ATAD2B: variants seen among roughly 807,000 people sequenced by gnomAD.
ATAD2B encodes ATPase family AAA domain containing 2B.
A neutral mutation model predicts 167.6 loss-of-function variants in ATAD2B; 40 were observed. That is an observed-to-expected ratio of 0.24 (90% CI 0.19 to 0.31). ATAD2B has a LOEUF of 0.31. Ranked by LOEUF, ATAD2B falls within the 10% of genes least tolerant of loss-of-function variation. The probability of loss-of-function intolerance (pLI) is 1.00; values close to 1 mark genes in which losing one functional copy is unlikely to be tolerated. For synonymous variants in ATAD2B, 579 were observed against 596.5 expected (o/e 0.97, Z 0.43); for missense variants, 1,242 against 1,757.2 (o/e 0.71, Z 5.24).
chr2:23,680,039 C>T, the ATAD2B span, among the ~76,000 whole-genome samples: 1 of 152,090 alleles, frequency 6.6e-6, no homozygotes. This position sits in a 1 kb window ranked among gnomAD's most constrained non-coding sequence, Gnocchi z 4.1. Context: ...CCCCTTCAGC[C>T]CCGAAGGATT....
At chr2:23,865,688 A>G (rs1247711665) in intron 10 of ATAD2B, among the ~76,000 whole-genome samples, 1 of 152,206 alleles carries the variant, frequency 6.6e-6, no homozygotes, top group Non-Finnish European at 1.5e-5. Flanking sequence ...TAGACCTCCC[A>G]AGGTCAATGT....
intron 12 of ATAD2B, among the ~76,000 whole-genome samples, chr2:23,858,489 C>CTTTTTTTTTTTTTTTTT (rs34177847): frequency 1.5e-5 from 2 of 134,412 alleles, no homozygotes; most frequent in Non-Finnish European, 1.6e-5. Context: ...CTGTCTCATT[C>CTTTTTTTTTTTTTTTTT]TTTTTTTTTT....
chr2:23,889,685 C>T (rs1322871242), intron 2 of ATAD2B, among the ~76,000 whole-genome samples: 6 of 151,692 alleles, frequency 4.0e-5, no homozygotes, highest in African/African-American at 1.5e-4. Flanking sequence ...TTTGAGAGGC[C>T]GAGGCAGGTG....
At chr2:23,904,723 A>G (rs921714036) in intron 1 of ATAD2B, among the ~76,000 whole-genome samples, 23 of 152,178 alleles carry the variant, frequency 1.5e-4, no homozygotes, top group African/African-American at 5.1e-4. Flanking sequence ...ATGTATGGGT[A>G]CAAATCAATC....
the ATAD2B span, among the ~76,000 whole-genome samples, chr2:23,687,702 G>A: frequency 2.0e-5 from 3 of 152,198 alleles, no homozygotes; most frequent in African/African-American, 7.2e-5. Context: ...TGTGGGTTAT[G>A]AAGAATGGGC....
intron 22 of ATAD2B, among the ~76,000 whole-genome samples, chr2:23,781,785 T>C (rs1680103758): frequency 1.3e-5 from 2 of 152,058 alleles, no homozygotes; most frequent in Non-Finnish European, 1.5e-5. Context: ...AGGCTGCTGT[T>C]TCTTTTTTTT....
chr2:23,691,313 C>T, the ATAD2B span: 5 of 290,814 alleles, frequency 1.7e-5, no homozygotes, highest in East Asian at 1.9e-4. Context: ...GGCTGGGATG[C>T]GTCGGCCTGC....
the ATAD2B span, among the ~76,000 whole-genome samples, chr2:23,714,409 T>TTTG: frequency 6.7e-6 from 1 of 148,890 alleles, no homozygotes; most frequent in Admixed American, 6.7e-5. Context: ...CCGGCAAATT[T>TTTG]TTTTTTTTTT....
the ATAD2B span, chr2:23,706,949 G>GT: frequency 1.4e-4 from 41 of 298,920 alleles, no homozygotes; most frequent in Non-Finnish European, 2.2e-4. Context: ...AGAGTTTCAC[G>GT]TATTTTTCAA....
intron 13 of ATAD2B, among the ~76,000 whole-genome samples, chr2:23,842,326 C>T (rs1691047891): frequency 6.6e-6 from 1 of 152,044 alleles, no homozygotes; most frequent in African/African-American, 2.4e-5. Flanking sequence ...TACTGGATAA[C>T]CAAGAGGTCT....
chr2:23,862,227 CA>C (rs1694487381), intron 12 of ATAD2B, among the ~76,000 whole-genome samples: 1 of 151,828 alleles, frequency 6.6e-6, no homozygotes, highest in Admixed American at 6.6e-5. Flanking sequence ...AGTACTTTAC[CA>C]ATTACAAAGG....
chr2:23,798,130 G>C lies in ATAD2B; in HGVS notation c.2640+8C>G, dbSNP rs954493555. 2 of 1,504,358 alleles carry C rather than the reference G, an allele frequency of 1.3e-6. No homozygotes were observed. Among genetic ancestry groups the C allele is most frequent in the African/African-American group, 2.8e-5 (2 of 71,794 alleles). The allele number at this position is 1,504,358 out of a possible 1,614,324, so 93.2% of individuals were successfully genotyped here. A position where few individuals can be genotyped will look rare whatever the true frequency, so the allele number is the denominator to read the frequency against. ...ATAAGGAAAGATAAATATTTAATCA[G>C]TTCTTACCTCTTCAGGCAGTTCACT... On this transcript the variant is annotated splice_region_variant and intron_variant, in intron 19 of 27. Coordinates refer to ENST00000238789, the MANE Select transcript of ATAD2B (RefSeq NM_017552.4).
intron 19 of ATAD2B, among the ~76,000 whole-genome samples, chr2:23,792,839 T>G (rs1307014780): frequency 1.3e-5 from 2 of 151,210 alleles, no homozygotes; most frequent in Non-Finnish European, 3.0e-5. Context: ...GCGGGCGCCT[T>G]TAGTCCCAGC....
the ATAD2B span, among the ~76,000 whole-genome samples, chr2:23,722,920 C>T: frequency 3.3e-5 from 5 of 152,302 alleles, no homozygotes; most frequent in East Asian, 9.6e-4. Flanking sequence ...AACTACTCAT[C>T]TGACAGGGGA....
At chr2:23,870,677 T>C (rs1695833734) in intron 8 of ATAD2B, among the ~76,000 whole-genome samples, 1 of 151,834 alleles carries the variant, frequency 6.6e-6, no homozygotes, top group Non-Finnish European at 1.5e-5. Context: ...AAGTTTGGTT[T>C]TTTTTTTTAA....
intron 20 of ATAD2B, chr2:23,788,275 A>G (rs1681122708): frequency 2.4e-5 from 11 of 455,310 alleles, no homozygotes; most frequent in Non-Finnish European, 4.3e-5. Flanking sequence ...CATCTACCAC[A>G]GGATGTGGTT....
chr2:23,692,026 T>C, the ATAD2B span: 1 of 713,310 alleles, frequency 1.4e-6, no homozygotes, highest in Non-Finnish European at 2.3e-6. Flanking sequence ...TGTTTTAAGA[T>C]GGTAATTCAG....
intron 22 of ATAD2B, among the ~76,000 whole-genome samples, chr2:23,779,869 G>A (rs1438760611): frequency 1.3e-5 from 2 of 152,070 alleles, no homozygotes; most frequent in African/African-American, 4.8e-5. Flanking sequence ...GGATGGGGAC[G>A]GAAACAGAGA....
At chr2:23,703,291 G>C in the ATAD2B span, 1 of 1,549,222 alleles carries the variant, frequency 6.5e-7, no homozygotes, top group Admixed American at 2.0e-5. Context: ...TGTTTGGTGG[G>C]GTGAACGAGG....
Sources: gnomAD v4.1 joint callset for allele counts (sites outside exome capture counted in the v4.1 genomes callset) on GRCh38, gnomAD v4.1.1 for gene constraint, Gnocchi (gnomAD v3.1) non-coding constraint, MANE v1.5 for transcripts, NCBI Gene and HGNC (gene_info 2026-07-23, HGNC 2026-07-21) for gene names.